Variants in ATP8A2 observed in about 807,000 individuals in gnomAD.
ATP8A2 encodes phospholipid-transporting ATPase IB.
Under a neutral mutation model 165.6 loss-of-function variants are expected in ATP8A2, and 100 were observed. The observed-to-expected ratio is 0.60, with a 90% CI of 0.51 to 0.71. The LOEUF is 0.71. Among genes scored for constraint, ATP8A2 ranks in the 30% least tolerant of loss-of-function variants. The pLI is 0.00. For missense variants in ATP8A2, 1,227 were observed against 1,479.5 expected (o/e 0.83, Z 2.80); for synonymous variants, 543 against 548.8 (o/e 0.99, Z 0.15).
At chr13:25,710,053 T>G (rs984581089) in intron 25 of ATP8A2, among the ~76,000 whole-genome samples, 2 of 152,202 alleles carry the variant, frequency 1.3e-5, no homozygotes. Flanking sequence ...GCTCAAGATT[T>G]CTTTGGTTTA....
intron 28 of ATP8A2, among the ~76,000 whole-genome samples, chr13:25,836,438 C>G (rs1015128904): frequency 1.3e-5 from 2 of 152,138 alleles, no homozygotes; most frequent in Admixed American, 1.3e-4. Context: ...GTCATCTTGC[C>G]AAATCATGTT....
chr13:25,623,842 T>C (rs2041035427), intron 24 of ATP8A2, among the ~76,000 whole-genome samples: 1 of 152,082 alleles, frequency 6.6e-6, no homozygotes. Flanking sequence ...GCATAGATTA[T>C]AAATGCATAA....
At chr13:25,656,740 C>CA (rs11326774) in intron 24 of ATP8A2, among the ~76,000 whole-genome samples, 5,552 of 114,770 alleles carry the variant, frequency 0.048, 145 homozygotes, top group Middle Eastern at 0.089. Flanking sequence ...GACTCTGTCT[C>CA]AAAAAAAAAA....
At chr13:25,789,372 T>G (rs1367106831) in intron 27 of ATP8A2, among the ~76,000 whole-genome samples, 3 of 152,294 alleles carry the variant, frequency 2.0e-5, no homozygotes, top group African/African-American at 4.8e-5. Flanking sequence ...ACCCCACTAC[T>G]GATAAACAAC....
At position 25,469,207 on chromosome 13, in the gene ATP8A2, C is replaced by T. The variant is rs2035767829; in HGVS notation, c.221+86C>T. The T allele has an allele frequency of 2.0e-6, 3 of 1,499,400 alleles. No homozygotes were observed. The South Asian group carries it at 3.7e-5, about 19-fold the overall frequency. 92.9% of individuals were successfully genotyped at this position (1,499,400 alleles called of 1,614,324 possible). ...TCCTCCTGCGCGGGGCTTGGCCGCG[C>T]ACCTGGCCGGCCCCCGTCCATCTCC... On this transcript the variant is annotated intron_variant, in intron 2 of 36. Transcript: ENST00000381655.
chr13:25,815,179 A>G (rs1431698369), intron 27 of ATP8A2, among the ~76,000 whole-genome samples: 1 of 152,118 alleles, frequency 6.6e-6, no homozygotes, highest in African/African-American at 2.4e-5. Flanking sequence ...ATAGGCAACA[A>G]CACCAAAAAA....
intron 34 of ATP8A2, among the ~76,000 whole-genome samples, chr13:25,966,308 C>T (rs144655403): frequency 7.3e-4 from 111 of 152,352 alleles, no homozygotes; most frequent in Middle Eastern, 3.4e-3. Flanking sequence ...ACACGCCAAA[C>T]GCCAGCTCCT....
chr13:25,545,352 A>G (rs1566248022), intron 10 of ATP8A2, among the ~76,000 whole-genome samples: 1 of 152,004 alleles, frequency 6.6e-6, no homozygotes, highest in Non-Finnish European at 1.5e-5. Context: ...GGAATGCTTT[A>G]AGTTTATTGT....
intron 10 of ATP8A2, among the ~76,000 whole-genome samples, chr13:25,544,359 G>A (rs1371047473): frequency 6.6e-6 from 1 of 152,244 alleles, no homozygotes; most frequent in East Asian, 1.9e-4. Flanking sequence ...GCACATTTTA[G>A]ATATCGAGCT....
At chr13:25,900,285 CA>C (rs1953698089) in intron 33 of ATP8A2, among the ~76,000 whole-genome samples, 1 of 152,072 alleles carries the variant, frequency 6.6e-6, no homozygotes, top group Admixed American at 6.5e-5. Flanking sequence ...ATTACATGTT[CA>C]AAAAATGGCA....
intron 23 of ATP8A2, among the ~76,000 whole-genome samples, chr13:25,583,735 T>G (rs1291743615): frequency 1.3e-5 from 2 of 152,230 alleles, no homozygotes; most frequent in Non-Finnish European, 2.9e-5. Context: ...AACGAAAGTT[T>G]TACTTGTATG....
rs2035634370 is a variant in ATP8A2 at position 25,465,720 on chromosome 13, T to C, written c.77-3257T>C. On this transcript the variant is annotated intron_variant, in intron 1 of 36. Transcript: ENST00000381655. Reference sequence around the variant, plus strand: ...CTTTCTTTCTTTCTTTCTTTCTTTCTTTCTTTCTTTCTTTCTTTCCCTCCC... The same window carrying C: ...CTTTCTTTCTTTCTTTCTTTCTTTCCTTCTTTCTTTCTTTCTTTCCCTCCC... Among the ~76,000 whole-genome samples the C allele has an allele frequency of 2.8e-4, 9 of 32,058 alleles. 1 individual carries two copies. Among genetic ancestry groups the C allele is most frequent in the Admixed American group, 7.8e-4 (2 of 2,576 alleles). The allele number at this position is 32,058 out of a possible 152,430, so 21.0% of individuals were successfully genotyped here. A position where few individuals can be genotyped will look rare whatever the true frequency, so the allele number is the denominator to read the frequency against.
intron 33 of ATP8A2, among the ~76,000 whole-genome samples, chr13:25,879,819 G>A (rs1952925433): frequency 6.6e-6 from 1 of 152,186 alleles, no homozygotes; most frequent in Admixed American, 6.5e-5. Context: ...GGCTTCCATA[G>A]GGGAAAGAGT....
intron 1 of ATP8A2, among the ~76,000 whole-genome samples, chr13:25,445,008 C>T (rs1446318341): frequency 6.6e-6 from 1 of 152,152 alleles, no homozygotes; most frequent in African/African-American, 2.4e-5. Flanking sequence ...AAGCCTTTTG[C>T]ACATTTGCTT....
intron 1 of ATP8A2, 78 bp from the exon 2 acceptor site, chr13:25,468,899 G>A (rs1037388289): frequency 3.8e-6 from 6 of 1,571,526 alleles, no homozygotes; most frequent in Non-Finnish European, 5.2e-6. Context: ...CCGCCCGCCC[G>A]CGGCCCGCGC....
chr13:25,918,704 A>G (rs1404918654), intron 33 of ATP8A2, among the ~76,000 whole-genome samples: 2 of 152,246 alleles, frequency 1.3e-5, no homozygotes, highest in Non-Finnish European at 2.9e-5. Context: ...ATTTGGATGC[A>G]GTGAAACCAA....
Position 26,012,619 on chromosome 13 carries a change from C to A in ATP8A2, c.3466C>A (p.Pro1156Thr). The change falls in exon 36 of 37, where the codon CCG becomes ACG. Residue 1156 changes from proline to threonine, a missense_variant. Transcript: ENST00000381655. ...FRGSSLQQGV[P>T]HGYAFSQEEH... ...GGGCAGCTCCCTGCAGCAGGGCGTC[C>A]CGCGTGAGTACCGCGGGCGGGGGCT... The A allele has an allele frequency of 6.7e-7, 1 of 1,485,002 alleles. No individual in the cohort carries two copies. The highest frequency in any genetic ancestry group is 8.9e-7 in the Non-Finnish European group (1 of 1,117,492). 92.0% of individuals were successfully genotyped at this position (1,485,002 alleles called of 1,614,324 possible).
At chr13:25,714,604 A>G (rs2043217547) in intron 25 of ATP8A2, among the ~76,000 whole-genome samples, 1 of 152,202 alleles carries the variant, frequency 6.6e-6, no homozygotes, top group Non-Finnish European at 1.5e-5. Flanking sequence ...GAGACACGTA[A>G]TGAACACTCA....
In ATP8A2 at chr13:25,376,389, G is replaced by A. The variant is rs73472415; in HGVS notation, c.76+4101G>A. The stretch of plus-strand genomic sequence containing the variant: ...TGAACTCTGTCATGGGCAGTTTTTG[G>A]ACTTGGTCTAATGGTCTAGATTCTG... On this transcript the variant is annotated intron_variant, in intron 1 of 36. Coordinates refer to ENST00000381655, the MANE Select transcript of ATP8A2 (RefSeq NM_016529.6). Among the ~76,000 whole-genome samples, 323 of 152,274 alleles carry A rather than the reference G, an allele frequency of 2.1e-3. 1 individual carries two copies. The highest frequency in any genetic ancestry group is 7.4e-3 in the African/African-American group (308 of 41,552).
Sources: allele counts gnomAD v4.1 joint callset (sites outside exome capture counted in the v4.1 genomes callset), GRCh38; gene constraint gnomAD v4.1.1; transcripts MANE v1.5; gene names NCBI Gene and HGNC (gene_info 2026-07-23, HGNC 2026-07-21).